The following MAGI2 variants were observed in gnomAD, a reference collection of about 807,000 sequenced individuals.
MAGI2 encodes membrane-associated guanylate kinase, WW and PDZ domain-containing protein 2.
MAGI2 carries 35 observed loss-of-function variants against 133.3 expected under a neutral mutation model. The ratio of observed to expected loss-of-function variants is 0.26; its 90% confidence interval spans 0.20 to 0.35. The LOEUF (loss-of-function observed/expected upper bound fraction) is 0.35, where lower values mean the gene tolerates loss of function less well. Among genes scored for constraint, MAGI2 ranks in the 10% least tolerant of loss-of-function variants. The pLI, the probability that MAGI2 is intolerant of heterozygous loss-of-function variation, is 1.00. For synonymous variants in MAGI2, 729 were observed against 710.6 expected, an observed-to-expected ratio of 1.03 and a Z score of -0.41; for missense variants, 1,636 against 1,863.4, an observed-to-expected ratio of 0.88 and a Z score of 2.25.
chr7:78,294,901 T>C (rs1240702757), intron 9 of MAGI2, among the ~76,000 whole-genome samples: 2 of 152,178 alleles, frequency 1.3e-5, no homozygotes, highest in African/African-American at 2.4e-5. Flanking sequence ...TTCCAAATAC[T>C]GCTGTTTAAT....
chr7:78,389,768 G>A (rs1011987851), intron 6 of MAGI2, among the ~76,000 whole-genome samples: 14 of 152,130 alleles, frequency 9.2e-5, no homozygotes, highest in African/African-American at 3.4e-4. Flanking sequence ...GTTGACATTG[G>A]CTATATTCTA....
intron 10 of MAGI2, among the ~76,000 whole-genome samples, chr7:78,203,473 A>G (rs562924922): frequency 6.6e-6 from 1 of 152,300 alleles, no homozygotes; most frequent in South Asian, 2.1e-4. Flanking sequence ...GCCTTTCATC[A>G]TGGGTACTTG....
intron 2 of MAGI2, among the ~76,000 whole-genome samples, chr7:78,656,453 A>C (rs528695207): frequency 6.6e-6 from 1 of 152,296 alleles, no homozygotes; most frequent in Admixed American, 6.5e-5. Flanking sequence ...GAAAATTACT[A>C]CATGATATCT....
At chr7:78,110,402 G>C (rs1819235456) in intron 20 of MAGI2, among the ~76,000 whole-genome samples, 1 of 152,150 alleles carries the variant, frequency 6.6e-6, no homozygotes, top group Non-Finnish European at 1.5e-5. Context: ...CATTAAGATG[G>C]CATAACAACA....
intron 2 of MAGI2, among the ~76,000 whole-genome samples, chr7:78,641,566 A>G (rs1218635127): frequency 6.6e-6 from 1 of 152,192 alleles, no homozygotes; most frequent in Non-Finnish European, 1.5e-5. Flanking sequence ...CTTGTCTCCT[A>G]GATTTGTACT....
chr7:78,767,156 A>G (rs866900654), intron 2 of MAGI2, among the ~76,000 whole-genome samples: 1 of 151,902 alleles, frequency 6.6e-6, no homozygotes, highest in South Asian at 2.1e-4. Context: ...CACCTGGCTA[A>G]TTGTTTTGTA....
chr7:79,338,783 A>G (rs1246810829), intron 1 of MAGI2, among the ~76,000 whole-genome samples: 5 of 152,098 alleles, frequency 3.3e-5, no homozygotes, highest in African/African-American at 9.7e-5. Flanking sequence ...CTAAATACCA[A>G]TGTCAGTGAT....
chr7:79,097,277 C>A (rs1427163135), intron 1 of MAGI2, among the ~76,000 whole-genome samples: 1 of 152,164 alleles, frequency 6.6e-6, no homozygotes. Flanking sequence ...CAAAGAGAAA[C>A]TGGCACATTT....
chr7:78,603,618 G>T (rs1805451323), intron 3 of MAGI2, among the ~76,000 whole-genome samples: 2 of 152,148 alleles, frequency 1.3e-5, no homozygotes, highest in South Asian at 2.1e-4. Flanking sequence ...TGCCTCCCAG[G>T]TTCAAGCAAT....
intron 6 of MAGI2, among the ~76,000 whole-genome samples, chr7:78,469,698 A>G (rs1486744236): frequency 6.6e-6 from 1 of 152,068 alleles, no homozygotes; most frequent in Non-Finnish European, 1.5e-5. Context: ...TTTTGGCCTT[A>G]TGTGGGAAAA....
rs774636118 is a variant in MAGI2 at position 78,486,260 on chromosome 7, C to T, written c.1045+3501G>A. 5 of 152,096 alleles carry T rather than the reference C, an allele frequency of 3.3e-5. No individual in the cohort carries two copies. The East Asian group carries it at 7.8e-4, about 24-fold the overall frequency. 9.4% of individuals were successfully genotyped at this position (152,096 alleles called of 1,614,324 possible). On this transcript the variant is annotated intron_variant, in intron 6 of 21. Coordinates refer to ENST00000354212, the MANE Select transcript of MAGI2 (RefSeq NM_012301.4). ...TAGAGGCAAAAGAGTTAAGCTAAAT[C>T]TCCTGAAAACCACCTCCGATTTTTG... is the stretch of plus-strand genomic sequence containing the variant.
chr7:78,783,070 C>T (rs999535616), intron 2 of MAGI2, among the ~76,000 whole-genome samples: 14 of 122,426 alleles, frequency 1.1e-4, no homozygotes, highest in African/African-American at 3.8e-4. Flanking sequence ...AGTCTGCAAA[C>T]ATCTTGATGG....
intron 1 of MAGI2, among the ~76,000 whole-genome samples, chr7:79,123,492 A>G (rs576874101): frequency 1.3e-5 from 2 of 152,280 alleles, no homozygotes; most frequent in African/African-American, 4.8e-5. Context: ...TGAATATTAA[A>G]AGAGATAATG....
intron 6 of MAGI2, among the ~76,000 whole-genome samples, chr7:78,375,016 T>G (rs1190079285): frequency 1.3e-5 from 2 of 151,846 alleles, no homozygotes. Context: ...TTTTTTTTTG[T>G]ATTTTTAGTA....
In MAGI2 at chr7:78,645,640, G is replaced by GGTGTGT. The variant is rs59287974; in HGVS notation, c.419-18407_419-18402dup. 1.5e-3 allele frequency among the ~76,000 whole-genome samples: 217 copies of GGTGTGT among 147,440 alleles called. 1 individual carries two copies. The highest frequency in any genetic ancestry group is 5.0e-3 in the East Asian group (25 of 5,010). On this transcript the variant is annotated intron_variant, in intron 2 of 21. Coordinates refer to ENST00000354212, the MANE Select transcript of MAGI2 (RefSeq NM_012301.4). ...TTAACTATTTTGCAGATATAAGTGT[G>GGTGTGT]GTGTGTGTGTGTGTGTGTGTGTGTG...
intron 6 of MAGI2, among the ~76,000 whole-genome samples, chr7:78,403,390 A>C (rs6949484): frequency 0.19 from 28,275 of 152,190 alleles, 2,841 homozygotes; most frequent in South Asian, 0.23. Context: ...TTCCTAATCT[A>C]GTCTATCATT....
intron 1 of MAGI2, among the ~76,000 whole-genome samples, chr7:79,007,424 T>C (rs1239122652): frequency 6.6e-6 from 1 of 152,212 alleles, no homozygotes. Flanking sequence ...GCTTTGCATG[T>C]ATTCCTAAAT....
rs571766871 is a variant in MAGI2 at position 78,306,438 on chromosome 7, T to C, written c.1408+37340A>G. 1.4e-4 allele frequency among the ~76,000 whole-genome samples: 22 copies of C among 152,336 alleles called. No homozygotes were observed. The East Asian group carries it at 3.5e-3, about 24-fold the overall frequency. ...CATTTTAACTTGGCTATCACTTCACTAGTTGACACTGGTTTGTTGTCCACA... is the reference window on the plus strand; with the variant it reads ...CATTTTAACTTGGCTATCACTTCACCAGTTGACACTGGTTTGTTGTCCACA... On this transcript the variant is annotated intron_variant, in intron 9 of 21. Coordinates refer to ENST00000354212, the MANE Select transcript of MAGI2 (RefSeq NM_012301.4).
chr7:78,846,421 A>G (rs957249165), intron 2 of MAGI2, among the ~76,000 whole-genome samples: 1 of 151,974 alleles, frequency 6.6e-6, no homozygotes, highest in African/African-American at 2.4e-5. Context: ...TATAGAATGC[A>G]AACAGTGTGG....
Sources: gnomAD v4.1 joint callset for allele counts (sites outside exome capture counted in the v4.1 genomes callset) on GRCh38, gnomAD v4.1.1 for gene constraint, MANE v1.5 for transcripts, NCBI Gene and HGNC (gene_info 2026-07-23, HGNC 2026-07-21) for gene names.